Variants in SYNPO2 observed in about 807,000 individuals in gnomAD.
SYNPO2 encodes synaptopodin-2.
In SYNPO2, 56 loss-of-function variants were observed where a neutral mutation model predicts 85.0. The ratio of observed to expected loss-of-function variants is 0.66; its 90% confidence interval spans 0.53 to 0.82. The LOEUF is 0.82. Among genes scored for constraint, SYNPO2 ranks in the 40% least tolerant of loss-of-function variants. The pLI is 0.00. For synonymous variants in SYNPO2, 602 were observed against 591.1 expected (o/e 1.02, Z -0.27); for missense variants, 1,575 against 1,534.2 (o/e 1.03, Z -0.44).
chr4:118,936,912 A>G (rs1007018956), intron 1 of SYNPO2, among the ~76,000 whole-genome samples: 1 of 152,128 alleles, frequency 6.6e-6, no homozygotes, highest in African/African-American at 2.4e-5. Flanking sequence ...CTCTTCATCC[A>G]GTCCACCACC....
chr4:119,022,724 A>ATTTTAATTGT (rs1553947323), intron 1 of SYNPO2, among the ~76,000 whole-genome samples: 2 of 142,300 alleles, frequency 1.4e-5, no homozygotes, highest in Admixed American at 7.0e-5. Flanking sequence ...ATTTTATTTT[A>ATTTTAATTGT]ATTTTATTTT....
rs576931569 is a variant in SYNPO2 at position 119,057,448 on chromosome 4, C to T, written c.3300C>T (p.Pro1100=). 3.9e-5 allele frequency: 63 copies of T among 1,613,338 alleles called. No homozygotes were observed. Among genetic ancestry groups the T allele is most frequent in the South Asian group, 2.1e-4 (19 of 90,838 alleles). Residue 1100 remains proline, a synonymous_variant, in exon 5 of 5, where the codon CCC becomes CCT. Transcript: ENST00000307142. ...TTCCTGGAAGATCAGTCCCACCCCCCATTTCTACATCTCCTTGGGTATACC... is the reference window on the plus strand; with the variant it reads ...TTCCTGGAAGATCAGTCCCACCCCCTATTTCTACATCTCCTTGGGTATACC... ...LSLPGRSVPP[P]ISTSPWVYQP... is the part of the protein sequence containing the mutation.
intron 1 of SYNPO2, among the ~76,000 whole-genome samples, chr4:118,957,292 T>C (rs1194717334): frequency 1.3e-5 from 2 of 152,134 alleles, no homozygotes; most frequent in Non-Finnish European, 2.9e-5. Flanking sequence ...CTATTGAGGA[T>C]TAGTTAAGAG....
At chr4:118,997,727 A>G (rs762843609) in intron 1 of SYNPO2, among the ~76,000 whole-genome samples, 6 of 152,228 alleles carry the variant, frequency 3.9e-5, no homozygotes, top group Non-Finnish European at 8.8e-5. Context: ...TTCTCTGGGC[A>G]GTACTTTTAT....
At chr4:118,920,145 G>A (rs1261015912) in intron 1 of SYNPO2, among the ~76,000 whole-genome samples, 2 of 152,182 alleles carry the variant, frequency 1.3e-5, no homozygotes, top group Non-Finnish European at 2.9e-5. Flanking sequence ...AGAGTTGTGG[G>A]AGGCAATGAA....
chr4:118,853,505 G>A (rs1731455509), intron 1 of SYNPO2, among the ~76,000 whole-genome samples: 1 of 147,572 alleles, frequency 6.8e-6, no homozygotes, highest in African/African-American at 2.4e-5. Flanking sequence ...GTGAGACTAT[G>A]GTTCAGAAAA....
chr4:119,058,074 TTC>T lies in SYNPO2; in HGVS notation c.*142_*143del, dbSNP rs760622279. On this transcript the variant is annotated 3_prime_UTR_variant, in exon 5 of 5. Transcript: ENST00000307142. Reference sequence around the variant, plus strand: ...ATAAGTCATTTATCTAAGTTTGTGTTTCTGTGTGTGTGTGTGTGTGTGTATGT... The same window carrying T: ...ATAAGTCATTTATCTAAGTTTGTGTTTGTGTGTGTGTGTGTGTGTGTATGT... 6.4e-5 allele frequency: 51 copies of T among 793,520 alleles called. No homozygotes were observed. The highest frequency in any genetic ancestry group is 7.0e-5 in the Non-Finnish European group (38 of 544,814). The allele number at this position is 793,520 out of a possible 1,614,324, so 49.2% of individuals were successfully genotyped here. A position where few individuals can be genotyped will look rare whatever the true frequency, so the allele number is the denominator to read the frequency against.
chr4:119,023,396 A>T (rs1336205145), intron 1 of SYNPO2, 34 bp from the exon 2 acceptor site: 1 of 1,573,072 alleles, frequency 6.4e-7, no homozygotes, highest in South Asian at 1.2e-5. Flanking sequence ...AAATTATATC[A>T]TTCTACTATG....
intron 1 of SYNPO2, among the ~76,000 whole-genome samples, chr4:118,889,984 A>G (rs1015022543): frequency 6.6e-6 from 1 of 152,202 alleles, no homozygotes; most frequent in Non-Finnish European, 1.5e-5. Context: ...TCAAATTGCA[A>G]ATTATAGTAT....
At chr4:118,884,916 G>C (rs963949760), upstream of SYNPO2, among the ~76,000 whole-genome samples, 4 of 152,098 alleles carry the variant, frequency 2.6e-5, no homozygotes, top group Non-Finnish European at 4.4e-5. Context: ...AGACTGAGAG[G>C]GAAAGTACAG....
At chr4:119,052,298 G>A (rs1739078374) in intron 4 of SYNPO2, among the ~76,000 whole-genome samples, 1 of 152,168 alleles carries the variant, frequency 6.6e-6, no homozygotes, top group East Asian at 1.9e-4. Context: ...GGGGGCAGAT[G>A]GATCCTAGTA....
intron 1 of SYNPO2, among the ~76,000 whole-genome samples, chr4:118,980,000 G>A (rs781442518): frequency 1.3e-5 from 2 of 152,182 alleles, no homozygotes; most frequent in African/African-American, 4.8e-5. Context: ...TTATCTTTAA[G>A]CACTGTAGAG....
At chr4:118,906,541 G>A (rs1372028899) in intron 1 of SYNPO2, among the ~76,000 whole-genome samples, 1 of 152,132 alleles carries the variant, frequency 6.6e-6, no homozygotes, top group African/African-American at 2.4e-5. Flanking sequence ...AGACAATAAT[G>A]AGAGAAAGAA....
At chr4:118,855,381 G>A (rs1474219892) in intron 1 of SYNPO2, among the ~76,000 whole-genome samples, 3 of 152,000 alleles carry the variant, frequency 2.0e-5, no homozygotes, top group Admixed American at 1.3e-4. Flanking sequence ...ACTCTCAATG[G>A]AGGCAAAAAG....
chr4:118,872,136 A>G (rs748365455), intron 1 of SYNPO2, among the ~76,000 whole-genome samples: 1 of 152,240 alleles, frequency 6.6e-6, no homozygotes, highest in Non-Finnish European at 1.5e-5. Context: ...TTCTTTGCGT[A>G]AATGAATGGG....
At chr4:118,941,898 A>G (rs1349250866) in intron 1 of SYNPO2, among the ~76,000 whole-genome samples, 1 of 152,220 alleles carries the variant, frequency 6.6e-6, no homozygotes, top group Non-Finnish European at 1.5e-5. Context: ...AAGGCGAGTC[A>G]GGGGAAACAG....
intron 1 of SYNPO2, among the ~76,000 whole-genome samples, chr4:118,913,408 A>G (rs937611548): frequency 6.6e-6 from 1 of 152,216 alleles, no homozygotes; most frequent in African/African-American, 2.4e-5. Flanking sequence ...AATGGCAAGA[A>G]GTCTGTAGAG....
chr4:118,887,579 T>G (rs1466046517), upstream of SYNPO2, among the ~76,000 whole-genome samples: 1 of 152,212 alleles, frequency 6.6e-6, no homozygotes, highest in Middle Eastern at 3.2e-3. Flanking sequence ...ATGATTATCT[T>G]GTTTTTATTA....
intron 1 of SYNPO2, among the ~76,000 whole-genome samples, chr4:118,907,396 T>C (rs1206562072): frequency 6.6e-6 from 1 of 152,214 alleles, no homozygotes; most frequent in Admixed American, 6.5e-5. Context: ...ACCATTCATT[T>C]CCATTATTAA....
Sources: allele counts gnomAD v4.1 joint callset (sites outside exome capture counted in the v4.1 genomes callset), GRCh38; gene constraint gnomAD v4.1.1; transcripts MANE v1.5; gene names NCBI Gene and HGNC (gene_info 2026-07-23, HGNC 2026-07-21).